Variants in SPON1 observed in about 807,000 individuals in gnomAD.
SPON1 encodes the protein spondin-1.
SPON1 carries 52 observed loss-of-function variants against 111.7 expected under a neutral mutation model. The observed-to-expected ratio is 0.47, with a 90% confidence interval of 0.37 to 0.59. The LOEUF (loss-of-function observed/expected upper bound fraction) is 0.59. Among genes scored for constraint, SPON1 ranks in the 20% least tolerant of loss-of-function variants. The probability of loss-of-function intolerance (pLI) is 0.00; values close to 1 mark genes in which losing one functional copy is unlikely to be tolerated. For missense variants in SPON1, 957 were observed against 1,068.5 expected (o/e 0.90, Z 1.46); for synonymous variants, 410 against 395.8 (o/e 1.04, Z -0.43).
chr11:14,209,535 G>C (rs1302171630), intron 6 of SPON1, among the ~76,000 whole-genome samples: 1 of 152,046 alleles, frequency 6.6e-6, no homozygotes, highest in Non-Finnish European at 1.5e-5. Flanking sequence ...TCCTGTGTTA[G>C]TTTGCTGAGA....
At chr11:14,247,244 A>G (rs910602066) in intron 7 of SPON1, among the ~76,000 whole-genome samples, 5 of 152,162 alleles carry the variant, frequency 3.3e-5, no homozygotes, top group Admixed American at 1.3e-4. Context: ...CCCCATCTCT[A>G]CAAAAAATTT....
At chr11:14,202,880 C>T (rs1261992065) in intron 6 of SPON1, among the ~76,000 whole-genome samples, 1 of 152,102 alleles carries the variant, frequency 6.6e-6, no homozygotes, top group Non-Finnish European at 1.5e-5. Flanking sequence ...GAGGTGCTGG[C>T]CCTGTTCTTT....
At chr11:14,200,095 C>T (rs1554935457) in intron 6 of SPON1, among the ~76,000 whole-genome samples, 1 of 152,122 alleles carries the variant, frequency 6.6e-6, no homozygotes, top group Non-Finnish European at 1.5e-5. Context: ...TTAAGAACCA[C>T]CACCTCCAGG....
At chr11:13,970,387 G>C (rs1395658786) in intron 1 of SPON1, among the ~76,000 whole-genome samples, 1 of 152,188 alleles carries the variant, frequency 6.6e-6, no homozygotes, top group Non-Finnish European at 1.5e-5. Flanking sequence ...TTGAGGCTAG[G>C]AGACCCATAG....
At chr11:14,049,481 C>T (rs1304655506) in intron 3 of SPON1, among the ~76,000 whole-genome samples, 1 of 152,172 alleles carries the variant, frequency 6.6e-6, no homozygotes, top group Admixed American at 6.5e-5. Flanking sequence ...AAGTCCAAAT[C>T]CTGATCAGAG....
intron 6 of SPON1, among the ~76,000 whole-genome samples, chr11:14,178,867 A>C (rs1438743532): frequency 6.6e-6 from 1 of 152,228 alleles, no homozygotes; most frequent in Admixed American, 6.5e-5. Flanking sequence ...CAGCTGCTGC[A>C]GCAGACACCT....
rs537581753 is a variant in SPON1 at position 14,140,584 on chromosome 11, G to A, written c.825+5016G>A. On this transcript the variant is annotated intron_variant, in intron 6 of 15. Coordinates refer to ENST00000576479, the MANE Select transcript of SPON1 (RefSeq NM_006108.4). ...TAATTTTTGTATTTTTAGTAGAGACGGGGTTTTACCATGCTGGTCAGGCTG... is the reference window on the plus strand; with the variant it reads ...TAATTTTTGTATTTTTAGTAGAGACAGGGTTTTACCATGCTGGTCAGGCTG... Among the ~76,000 whole-genome samples the A allele has an allele frequency of 5.9e-5, 9 of 152,216 alleles. No individual in the cohort carries two copies. In the East Asian group the frequency reaches 1.4e-3, roughly 23 times the overall value.
At chr11:14,163,675 G>C (rs534364877) in intron 6 of SPON1, among the ~76,000 whole-genome samples, 1 of 152,282 alleles carries the variant, frequency 6.6e-6, no homozygotes, top group East Asian at 1.9e-4. Flanking sequence ...TGGGGTGAGA[G>C]AAATACACAT....
chr11:14,048,729 C>T (rs919790857), intron 3 of SPON1, among the ~76,000 whole-genome samples: 2 of 152,148 alleles, frequency 1.3e-5, no homozygotes, highest in South Asian at 2.1e-4. Flanking sequence ...AAGAAAAAGC[C>T]GCCATGAGTA....
At position 14,245,732 on chromosome 11, in the gene SPON1, C is replaced by G. The variant is rs145265742; in HGVS notation, c.890+2336C>G. On this transcript the variant is annotated intron_variant, in intron 7 of 15. Coordinates refer to ENST00000576479, the MANE Select transcript of SPON1 (RefSeq NM_006108.4). The stretch of plus-strand genomic sequence containing the variant: ...CTGCATGGAGGCCTTTTCTAGCCTG[C>G]TGTGAGCTCTAAGCCTTGCTCTGGA... Among the ~76,000 whole-genome samples the G allele has an allele frequency of 2.6e-3, 389 of 152,300 alleles. 1 individual carries two copies. The highest frequency in any genetic ancestry group is 8.9e-3 in the African/African-American group (369 of 41,566).
chr11:13,969,160 G>T (rs1848042686), intron 1 of SPON1, among the ~76,000 whole-genome samples: 1 of 140,934 alleles, frequency 7.1e-6, no homozygotes, highest in Non-Finnish European at 1.5e-5. Flanking sequence ...CAGGTGGATT[G>T]CTTAACCCCA....
chr11:14,256,725 A>G lies in SPON1; in HGVS notation c.1309+33A>G, dbSNP rs374898036. 8.5e-5 allele frequency: 130 copies of G among 1,536,450 alleles called. No individual in the cohort carries two copies. In the African/African-American group the frequency reaches 1.6e-3, roughly 19 times the overall value. On this transcript the variant is annotated intron_variant, in intron 10 of 15. Coordinates refer to ENST00000576479, the MANE Select transcript of SPON1 (RefSeq NM_006108.4). The stretch of plus-strand genomic sequence containing the variant: ...GTTTTCTTTTGTTGCAGGTGGCAAC[A>G]TAAATTGACATAACCCTTTGAGAAA...
At chr11:14,075,769 T>A (rs1848912988) in intron 4 of SPON1, among the ~76,000 whole-genome samples, 1 of 152,170 alleles carries the variant, frequency 6.6e-6, no homozygotes, top group Non-Finnish European at 1.5e-5. Context: ...CTGTAATGGT[T>A]CTTTGGAAAA....
intron 2 of SPON1, among the ~76,000 whole-genome samples, chr11:14,009,586 G>A (rs1848389097): frequency 6.6e-6 from 1 of 152,174 alleles, no homozygotes; most frequent in African/African-American, 2.4e-5. Flanking sequence ...TAAGAACTGT[G>A]TTCATATTTG....
intron 1 of SPON1, 31 bp from the exon 2 acceptor site, chr11:13,982,816 A>G (rs781856934): frequency 7.0e-7 from 1 of 1,421,132 alleles, no homozygotes; most frequent in African/African-American, 1.4e-5. Context: ...TGATTCTTAT[A>G]CTTAAAACCT....
intron 6 of SPON1, among the ~76,000 whole-genome samples, chr11:14,145,871 A>T (rs1176509997): frequency 2.0e-5 from 3 of 152,228 alleles, no homozygotes; most frequent in Non-Finnish European, 4.4e-5. Flanking sequence ...ATTTGTGTGT[A>T]CTGATACAGA....
In SPON1 at chr11:14,268,004, T is replaced by C. The variant is rs1554942639; in HGVS notation, c.*2317T>C. On this transcript the variant is annotated 3_prime_UTR_variant, in exon 16 of 16. Coordinates refer to ENST00000576479, the MANE Select transcript of SPON1 (RefSeq NM_006108.4). ...AGAGAGAGATTTCCCAACCAGACAT[T>C]GGGTCACTCACTGGTCACCTTGCCA... 6.6e-6 allele frequency: 1 copy of C among 152,140 alleles called. No homozygotes were observed. Among genetic ancestry groups the C allele is most frequent in the African/African-American group, 2.4e-5 (1 of 41,422 alleles). 9.4% of individuals were successfully genotyped at this position (152,140 alleles called of 1,614,324 possible). A position where few individuals can be genotyped will look rare whatever the true frequency, so the allele number is the denominator to read the frequency against.
intron 3 of SPON1, among the ~76,000 whole-genome samples, chr11:14,072,462 A>C (rs1423496300): frequency 3.3e-5 from 5 of 152,026 alleles, no homozygotes; most frequent in Non-Finnish European, 7.4e-5. Context: ...AGGAGGAAGA[A>C]GATTCAGAGT....
intron 3 of SPON1, among the ~76,000 whole-genome samples, chr11:14,072,179 G>A (rs1331036630): frequency 1.3e-4 from 20 of 152,074 alleles, no homozygotes; most frequent in African/African-American, 4.8e-4. Flanking sequence ...AGTTATATAA[G>A]GTAATAATGT....
Sources: gnomAD v4.1 joint callset for allele counts (sites outside exome capture counted in the v4.1 genomes callset) on GRCh38, gnomAD v4.1.1 for gene constraint, MANE v1.5 for transcripts, NCBI Gene and HGNC (gene_info 2026-07-23, HGNC 2026-07-21) for gene names.